Variants in CCDC171 observed in about 807,000 individuals in gnomAD.
The protein encoded by CCDC171 is coiled-coil domain-containing protein 171.
Under a neutral mutation model 168.2 loss-of-function variants are expected in CCDC171, and 177 were observed. That is an observed-to-expected ratio of 1.05 (90% CI 0.93 to 1.19). The LOEUF (loss-of-function observed/expected upper bound fraction) is 1.19, where lower values mean the gene tolerates loss of function less well. Among genes scored for constraint, CCDC171 ranks in the 50% most tolerant of loss-of-function variants. The pLI is 0.00. For missense variants in CCDC171, 1,991 were observed against 1,539.0 expected (o/e 1.29, Z -4.91); for synonymous variants, 687 against 540.8 (o/e 1.27, Z -3.75).
chr9:15,887,178 G>C (rs1449742131), intron 24 of CCDC171, among the ~76,000 whole-genome samples: 1 of 151,926 alleles, frequency 6.6e-6, no homozygotes, highest in African/African-American at 2.4e-5. Flanking sequence ...CTTGATTGTG[G>C]TAATAATTTC....
chr9:15,658,415 A>G (rs2048091659), intron 8 of CCDC171, among the ~76,000 whole-genome samples: 1 of 152,222 alleles, frequency 6.6e-6, no homozygotes. Context: ...CACCTGAATC[A>G]AGACAACGAC....
At chr9:15,681,391 C>T (rs1430029708) in intron 10 of CCDC171, among the ~76,000 whole-genome samples, 1 of 152,028 alleles carries the variant, frequency 6.6e-6, no homozygotes, top group African/African-American at 2.4e-5. Flanking sequence ...TTTTTCATCT[C>T]TCTTAAACTC....
chr9:15,935,977 A>G (rs1026283034), intron 25 of CCDC171, among the ~76,000 whole-genome samples: 1 of 152,108 alleles, frequency 6.6e-6, no homozygotes, highest in African/African-American at 2.4e-5. Context: ...ATGTAACAAC[A>G]TTGCAGAAAA....
rs553300336 is a variant in CCDC171 at position 15,618,065 on chromosome 9, C to T, written c.676-5202C>T. ...GGAGAATCCCCCTTGTCAGGATCAG[C>T]CGCTGTCTTCAGAGCTGACAGGTAG... On this transcript the variant is annotated intron_variant, in intron 6 of 25. Transcript: ENST00000380701. 2.0e-5 allele frequency among the ~76,000 whole-genome samples: 3 copies of T among 152,308 alleles called. No homozygotes were observed. The East Asian group carries it at 5.8e-4, about 29-fold the overall frequency.
At chr9:15,639,010 G>T (rs2046400946) in intron 7 of CCDC171, among the ~76,000 whole-genome samples, 2 of 152,004 alleles carry the variant, frequency 1.3e-5, no homozygotes, top group South Asian at 4.1e-4. Context: ...AACAGTCTTT[G>T]CAAATAAATT....
rs375879825 is a variant in CCDC171 at position 15,555,604 on chromosome 9, C to T, written c.-112+2302C>T. On this transcript the variant is annotated intron_variant, in intron 1 of 25. Transcript: ENST00000380701. ...GCACACAGCAGAGCTCTGGAGTCAG[C>T]TAACTTGGGTGTAAATCCTGACCCT... is the stretch of plus-strand genomic sequence containing the variant. 1.2e-3 allele frequency among the ~76,000 whole-genome samples: 183 copies of T among 152,306 alleles called. 1 individual carries two copies. Among genetic ancestry groups the T allele is most frequent in the African/African-American group, 3.6e-3 (148 of 41,572 alleles).
In CCDC171 at chr9:15,627,285, T is replaced by G. The variant is rs543024845; in HGVS notation, c.822+3872T>G. ...AAAACCAACTCCTGGATTCATTGATTTTTTTCAAGGGTTTTTTGTGTCTTT... is the reference window on the plus strand; with the variant it reads ...AAAACCAACTCCTGGATTCATTGATGTTTTTCAAGGGTTTTTTGTGTCTTT... On this transcript the variant is annotated intron_variant, in intron 7 of 25. Transcript: ENST00000380701. Among the ~76,000 whole-genome samples the G allele has an allele frequency of 1.3e-4, 20 of 152,294 alleles. No homozygotes were observed. The South Asian group carries it at 4.1e-3, about 32-fold the overall frequency.
intron 6 of CCDC171, among the ~76,000 whole-genome samples, chr9:15,599,152 A>C (rs1277384594): frequency 6.6e-6 from 1 of 152,152 alleles, no homozygotes; most frequent in Non-Finnish European, 1.5e-5. Flanking sequence ...ATTTACATTT[A>C]AGATTAACGT....
At chr9:15,864,382 C>T (rs978050514) in intron 23 of CCDC171, among the ~76,000 whole-genome samples, 6 of 151,986 alleles carry the variant, frequency 3.9e-5, no homozygotes, top group Non-Finnish European at 7.4e-5. Flanking sequence ...CATATGTATA[C>T]ATGTGCCATG....
At chr9:15,822,487 G>GAA (rs769844065) in intron 21 of CCDC171, among the ~76,000 whole-genome samples, 1 of 151,504 alleles carries the variant, frequency 6.6e-6, no homozygotes, top group Non-Finnish European at 1.5e-5. Flanking sequence ...AAATTTACAA[G>GAA]AAAAAAAACA....
At chr9:15,676,740 A>T (rs2049600861) in intron 9 of CCDC171, among the ~76,000 whole-genome samples, 1 of 152,074 alleles carries the variant, frequency 6.6e-6, no homozygotes, top group Non-Finnish European at 1.5e-5. Context: ...TTGCATTCTG[A>T]AAGTTTTTGA....
chr9:15,622,107 A>T (rs1355724815), intron 6 of CCDC171, among the ~76,000 whole-genome samples: 1 of 152,196 alleles, frequency 6.6e-6, no homozygotes, highest in Non-Finnish European at 1.5e-5. Flanking sequence ...AAAGAGGGGA[A>T]CAACATACAC....
intron 7 of CCDC171, among the ~76,000 whole-genome samples, chr9:15,635,923 A>G (rs912152520): frequency 3.3e-5 from 5 of 152,096 alleles, no homozygotes; most frequent in Non-Finnish European, 7.4e-5. Context: ...TAAGGGTTCT[A>G]GTTTCTCTAG....
intron 24 of CCDC171, among the ~76,000 whole-genome samples, chr9:15,906,665 C>A (rs892341033): frequency 1.3e-5 from 2 of 152,014 alleles, no homozygotes; most frequent in African/African-American, 4.8e-5. Context: ...GTTGGAAGTT[C>A]TGGCCAGGGC....
intron 3 of CCDC171, among the ~76,000 whole-genome samples, chr9:15,572,084 T>C (rs1329548027): frequency 6.6e-6 from 1 of 152,190 alleles, no homozygotes; most frequent in Non-Finnish European, 1.5e-5. Context: ...GTAGGTTCCT[T>C]TAAGGTCTCC....
At chr9:15,658,351 T>C (rs1336266375) in intron 8 of CCDC171, among the ~76,000 whole-genome samples, 1 of 152,156 alleles carries the variant, frequency 6.6e-6, no homozygotes, top group African/African-American at 2.4e-5. Context: ...TGGTGCCATA[T>C]TGGTAGATAA....
At position 15,972,171 on chromosome 9, in the gene CCDC171, G is replaced by C. The variant is rs537413810; in HGVS notation, c.*335G>C. ...TATCTATCAAAGTTGTTTCATACTT[G>C]TCTATTTTAAAGCAGGACTGCAATG... On this transcript the variant is annotated 3_prime_UTR_variant, in exon 26 of 26. Transcript: ENST00000380701. 19 of 258,426 alleles carry C rather than the reference G, an allele frequency of 7.4e-5. No homozygotes were observed. The East Asian group carries it at 1.8e-3, about 24-fold the overall frequency. 16.0% of individuals were successfully genotyped at this position (258,426 alleles called of 1,614,324 possible). A position where few individuals can be genotyped will look rare whatever the true frequency, so the allele number is the denominator to read the frequency against.
intron 4 of CCDC171, among the ~76,000 whole-genome samples, chr9:15,583,026 AAAG>A (rs1035186187): frequency 6.6e-6 from 1 of 152,168 alleles, no homozygotes; most frequent in African/African-American, 2.4e-5. Context: ...ATTATATGAA[AAAG>A]ACACATGCAC....
At chr9:15,632,593 TC>T (rs1413299207) in intron 7 of CCDC171, among the ~76,000 whole-genome samples, 1 of 152,060 alleles carries the variant, frequency 6.6e-6, no homozygotes, top group African/African-American at 2.4e-5. Flanking sequence ...ATGGCCATAC[TC>T]CCCAAGGTAA....
Sources: gnomAD v4.1 joint callset for allele counts (sites outside exome capture counted in the v4.1 genomes callset) on GRCh38, gnomAD v4.1.1 for gene constraint, MANE v1.5 for transcripts, NCBI Gene and HGNC (gene_info 2026-07-23, HGNC 2026-07-21) for gene names.